CCDC40: variants seen among roughly 807,000 people sequenced by gnomAD.
The protein encoded by CCDC40 is coiled-coil domain-containing protein 40.
A neutral mutation model predicts 124.5 loss-of-function variants in CCDC40; 104 were observed. That is an observed-to-expected ratio of 0.84 (90% CI 0.71 to 0.98). CCDC40 has a LOEUF of 0.98. Ranked by LOEUF, CCDC40 falls within the 50% of genes least tolerant of loss-of-function variation. The pLI is 0.00. For synonymous variants in CCDC40, 580 were observed against 602.9 expected (o/e 0.96, Z 0.56); for missense variants, 1,463 against 1,503.9 (o/e 0.97, Z 0.45).
rs759892153 is a variant in CCDC40, at chr17:80,089,846, G to A, written c.2794G>A (p.Glu932Lys). Residue 932 changes from glutamate (E) to lysine (K), a missense_variant, in exon 17 of 20, where the codon GAG becomes AAG. By Grantham distance (56) the Glu-to-Lys change is moderately conservative. Transcript: ENST00000397545. ...SSVDSEIGQT[E>K]IRAMKGEIHR... Reference sequence around the variant, plus strand: ...AGTGGATTCCGAGATCGGCCAGACGGAGATCCGGGCCATGAAGGGCGAGAT... The same window carrying A: ...AGTGGATTCCGAGATCGGCCAGACGAAGATCCGGGCCATGAAGGGCGAGAT... 6 of 1,614,242 alleles carry A rather than the reference G, an allele frequency of 3.7e-6. No homozygotes were observed. Among genetic ancestry groups the A allele is most frequent in the South Asian group, 3.3e-5 (3 of 91,088 alleles).
At chr17:80,090,059 C>T in intron 17 of CCDC40, 175 bp downstream of exon 17, 2 of 1,537,186 alleles carry the variant, frequency 1.3e-6, no homozygotes, top group South Asian at 1.2e-5. Context: ...AGCAGAGTGA[C>T]CTGCACTCCA....
At chr17:80,037,163 C>G (rs558630100) in intron 1 of CCDC40, among the ~76,000 whole-genome samples, 4 of 152,310 alleles carry the variant, frequency 2.6e-5, no homozygotes, top group African/African-American at 9.6e-5. Context: ...AGGACAGATC[C>G]CCTCTCGCAG....
Position 80,087,956 on chromosome 17 carries a change from G to T in CCDC40, c.2620-55G>T. On this transcript the variant is annotated intron_variant, in intron 15 of 19. Coordinates refer to ENST00000397545, the MANE Select transcript of CCDC40 (RefSeq NM_017950.4). This position sits in a 1 kb window ranked among gnomAD's most constrained non-coding sequence, Gnocchi z 4.5. ...GCCGGGATAGAGGGCACCAGCCCCG[G>T]CATCCACAATCCCATGGCCCTCCCC... The T allele has an allele frequency of 1.4e-6, 2 of 1,415,044 alleles. No individual in the cohort carries two copies. Among genetic ancestry groups the T allele is most frequent in the Non-Finnish European group, 2.0e-6 (2 of 998,966 alleles). 87.7% of individuals were successfully genotyped at this position (1,415,044 alleles called of 1,614,324 possible).
chr17:80,075,609 CA>C (rs549227655), intron 10 of CCDC40, among the ~76,000 whole-genome samples: 113 of 152,040 alleles, frequency 7.4e-4, no homozygotes, highest in African/African-American at 2.7e-3. Context: ...AGGGTGGAGG[CA>C]GGGGTGGTCG....
In CCDC40 at chr17:80,085,988, G is replaced by T; in HGVS notation, c.2236-15G>T. ...CCCAGCCCTAATTTTGCTTTTTGAT[G>T]AATATCCGGTCTAGGGGGAAGAAGT... On this transcript the variant is annotated splice_polypyrimidine_tract_variant and intron_variant, in intron 13 of 19. Transcript: ENST00000397545. The T allele has an allele frequency of 6.2e-7, 1 of 1,613,198 alleles. No homozygotes were observed. The highest frequency in any genetic ancestry group is 8.5e-7 in the Non-Finnish European group (1 of 1,179,496).
chr17:80,099,014 G>A (rs2038863108), intron 19 of CCDC40: 1 of 162,158 alleles, frequency 6.2e-6, no homozygotes, highest in African/African-American at 2.5e-5. Context: ...GGGTCACAGT[G>A]GCTCACACCT....
chr17:80,090,196 C>T (rs1455540503), intron 17 of CCDC40: 14 of 1,033,864 alleles, frequency 1.4e-5, no homozygotes, highest in Non-Finnish European at 1.1e-5. Flanking sequence ...ACACGGGACG[C>T]ACGCAGGCAC....
At chr17:80,051,863 C>G (rs4889947) in intron 7 of CCDC40, among the ~76,000 whole-genome samples, 5 of 152,210 alleles carry the variant, frequency 3.3e-5, no homozygotes, top group African/African-American at 9.6e-5. Flanking sequence ...CTCCGGCTCC[C>G]CTCTGCTAGG....
chr17:80,093,744 G>A (rs1221416186), intron 17 of CCDC40, among the ~76,000 whole-genome samples: 1 of 148,318 alleles, frequency 6.7e-6, no homozygotes, highest in Non-Finnish European at 1.5e-5. Context: ...AAACTCCTGA[G>A]CTCAGGTGAT....
At chr17:80,036,767 G>C (rs1456212318) in intron 1 of CCDC40, 76 bp downstream of exon 1, 26 of 1,377,804 alleles carry the variant, frequency 1.9e-5, no homozygotes, top group Admixed American at 2.4e-5. Flanking sequence ...GGTGGCCCCC[G>C]CGTCGGCTCC....
chr17:80,037,686 AAAAG>A lies in CCDC40; in HGVS notation c.30-435_30-432del, dbSNP rs1271113406. 2.1e-3 allele frequency among the ~76,000 whole-genome samples: 56 copies of A among 26,260 alleles called. 1 individual carries two copies. Among genetic ancestry groups the A allele is most frequent in the East Asian group, 0.01 (6 of 588 alleles). The allele number at this position is 26,260 out of a possible 152,430, so 17.2% of individuals were successfully genotyped here. On this transcript the variant is annotated intron_variant, in intron 1 of 19. Transcript: ENST00000397545. ...ATAGCTTGAATCTTTAATTTTTTAA[AAAAG>A]ATATACATATATATATATATATATA...
At position 80,088,043 on chromosome 17, in the gene CCDC40, C is replaced by A; in HGVS notation, c.2652C>A (p.Asp884Glu). The change falls in exon 16 of 20, where the codon GAC (aspartate) becomes GAA (glutamate). Residue 884 changes from aspartate (D) to glutamate (E), a missense_variant. By Grantham distance (45) the Asp-to-Glu change is conservative. Transcript: ENST00000397545. ...AGAGGGAGACCATCAAGATGCAGGA[C>A]AAGCTGAACCAGCTCAGCGAGGAGA... ...ASERETIKMQDKLNQLSEEKA... is the reference protein window; with the variant it reads ...ASERETIKMQEKLNQLSEEKA... The A allele has an allele frequency of 6.2e-7, 1 of 1,613,740 alleles. No individual in the cohort carries two copies. Among genetic ancestry groups the A allele is most frequent in the Non-Finnish European group, 8.5e-7 (1 of 1,179,852 alleles).
Position 80,051,097 on chromosome 17 carries a change from C to T in CCDC40, c.1159+814C>T, listed in dbSNP as rs142519831. 4.7e-3 allele frequency among the ~76,000 whole-genome samples: 721 copies of T among 152,258 alleles called. 7 individuals carry two copies. The highest frequency in any genetic ancestry group is 7.0e-3 in the Non-Finnish European group (477 of 68,026). On this transcript the variant is annotated intron_variant, in intron 7 of 19. Coordinates refer to ENST00000397545, the MANE Select transcript of CCDC40 (RefSeq NM_017950.4). ...GCACAGAGCTGGTCATGTAGGTGAC[C>T]GGGGACAGTGGCTTCCTCTTGTGAC...
chr17:80,037,231 C>G (rs1419972815), intron 1 of CCDC40, among the ~76,000 whole-genome samples: 2 of 152,172 alleles, frequency 1.3e-5, no homozygotes, highest in Non-Finnish European at 1.5e-5. Flanking sequence ...CGCGATAGTC[C>G]GCGGTCACCG....
At chr17:80,053,361 G>A (rs1236664135) in intron 7 of CCDC40, among the ~76,000 whole-genome samples, 1 of 152,286 alleles carries the variant, frequency 6.6e-6, no homozygotes, top group Non-Finnish European at 1.5e-5. Context: ...CATCAGCTGC[G>A]CCTTGGAGGA....
At chr17:80,050,435 C>A (rs2143618316) in intron 7 of CCDC40, 152 bp downstream of exon 7, 4 of 685,596 alleles carry the variant, frequency 5.8e-6, no homozygotes, top group South Asian at 4.9e-5. Context: ...GCACATAAAT[C>A]AAATGTCTTT....
intron 4 of CCDC40, 165 bp downstream of exon 4, chr17:80,047,567 C>A: frequency 1.4e-6 from 1 of 702,578 alleles, no homozygotes; most frequent in Non-Finnish European, 2.5e-6. Context: ...ATTTATTGGG[C>A]ATTTACTGTT....
intron 18 of CCDC40, among the ~76,000 whole-genome samples, chr17:80,096,832 A>G (rs1469381156): frequency 6.6e-6 from 1 of 152,096 alleles, no homozygotes; most frequent in Non-Finnish European, 1.5e-5. Context: ...CGGAACGAAC[A>G]CCACACAGAT....
chr17:80,095,409 C>T lies in CCDC40; in HGVS notation c.2979C>T (p.His993=), dbSNP rs1247555391. The change falls in exon 18 of 20, where the codon CAC becomes CAT. Residue 993 remains histidine, a synonymous_variant. Coordinates refer to ENST00000397545, the MANE Select transcript of CCDC40 (RefSeq NM_017950.4). ...RKALTRTDFH[H]KQLELRRKIR... is the part of the protein sequence containing the mutation. ...CGCTCACCCGCACCGACTTCCACCA[C>T]AAGCAGCTTGAGCTGCGCCGGAAAA... 1.9e-6 allele frequency: 3 copies of T among 1,614,068 alleles called. No individual in the cohort carries two copies. The highest frequency in any genetic ancestry group is 4.5e-5 in the East Asian group (2 of 44,900).
Sources: allele counts gnomAD v4.1 joint callset (sites outside exome capture counted in the v4.1 genomes callset), GRCh38; gene constraint gnomAD v4.1.1; non-coding constraint Gnocchi (gnomAD v3.1); transcripts MANE v1.5; gene names NCBI Gene and HGNC (gene_info 2026-07-23, HGNC 2026-07-21).